Variants in TNFSF13B observed in about 807,000 individuals in gnomAD.
TNFSF13B encodes TNF superfamily member 13b, also known as tumor necrosis factor ligand superfamily member 13B.
A neutral mutation model predicts 29.1 loss-of-function variants in TNFSF13B; 8 were observed. The ratio of observed to expected loss-of-function variants is 0.27; its 90% CI spans 0.16 to 0.50. The LOEUF is 0.50. Ranked by LOEUF, TNFSF13B falls within the 20% of genes least tolerant of loss-of-function variation. The pLI is 0.98. For missense variants in TNFSF13B, 248 were observed against 334.9 expected, an observed-to-expected ratio of 0.74 and a Z score of 2.03; for synonymous variants, 125 against 130.8, an observed-to-expected ratio of 0.96 and a Z score of 0.30.
chr13:108,308,124 C>T lies in TNFSF13B; in HGVS notation c.*1186C>T, dbSNP rs1881831699. On this transcript the variant is annotated 3_prime_UTR_variant, in exon 6 of 6. Coordinates refer to ENST00000375887, the MANE Select transcript of TNFSF13B (RefSeq NM_006573.5). ...ACTGTTTACTTCATTTAACAGTTTA[C>T]ATCATTCAACAGTTTACTTCATTAA... 1 of 152,030 alleles carries T rather than the reference C, an allele frequency of 6.6e-6. No homozygotes were observed. The highest frequency in any genetic ancestry group is 6.6e-5 in the Admixed American group (1 of 15,234). The allele number at this position is 152,030 out of a possible 1,614,324, so 9.4% of individuals were successfully genotyped here.
rs758092380 is a variant in TNFSF13B, at chr13:108,270,252, G to T, written c.339+18G>T. The T allele has an allele frequency of 2.5e-6, 4 of 1,610,000 alleles. No individual in the cohort carries two copies. In the South Asian group the frequency reaches 4.4e-5, roughly 18 times the overall value. On this transcript the variant is annotated intron_variant, in intron 1 of 5. Transcript: ENST00000375887. ...GACTGAAAGTGAGTTTGCAGCAGCT[G>T]CAAGACGCAGGCAAGATCCTGCCTA...
At chr13:108,274,552 T>C (rs1321874053) in intron 2 of TNFSF13B, among the ~76,000 whole-genome samples, 4 of 152,126 alleles carry the variant, frequency 2.6e-5, no homozygotes, top group Admixed American at 1.3e-4. Context: ...TTCATTTGAA[T>C]GTTGTTCTAG....
chr13:108,305,312 C>A (rs972971221), intron 5 of TNFSF13B, among the ~76,000 whole-genome samples: 3 of 151,932 alleles, frequency 2.0e-5, no homozygotes, highest in South Asian at 2.1e-4. Context: ...TTAAGAAACC[C>A]AACATAATAC....
intron 3 of TNFSF13B, 78 bp from the exon 4 acceptor site, chr13:108,303,175 A>C: frequency 1.1e-6 from 1 of 891,086 alleles, no homozygotes; most frequent in Non-Finnish European, 1.7e-6. Context: ...TAAGTTTCAG[A>C]GGTAGCTTAA....
intron 2 of TNFSF13B, among the ~76,000 whole-genome samples, chr13:108,282,663 G>A (rs925966780): frequency 2.0e-5 from 3 of 151,958 alleles, no homozygotes; most frequent in Admixed American, 6.6e-5. Context: ...TTTGTTTTTA[G>A]AAATGTTTTA....
At chr13:108,296,092 T>C (rs1881451424) in intron 3 of TNFSF13B, among the ~76,000 whole-genome samples, 1 of 146,082 alleles carries the variant, frequency 6.8e-6, no homozygotes, top group African/African-American at 2.6e-5. Flanking sequence ...GTGTTTTCTA[T>C]GTGTCTGTTA....
chr13:108,272,310 G>T (rs893923765), intron 2 of TNFSF13B, among the ~76,000 whole-genome samples: 1 of 151,976 alleles, frequency 6.6e-6, no homozygotes, highest in Admixed American at 6.6e-5. Context: ...TCAAAATTTT[G>T]ATGTAAATAT....
chr13:108,275,261 C>T (rs2139042127), intron 2 of TNFSF13B, among the ~76,000 whole-genome samples: 1 of 152,050 alleles, frequency 6.6e-6, no homozygotes, highest in East Asian at 1.9e-4. Flanking sequence ...TGAAGATCCA[C>T]ATTTTGAACA....
chr13:108,274,122 G>A (rs141862692), intron 2 of TNFSF13B, among the ~76,000 whole-genome samples: 104 of 151,990 alleles, frequency 6.8e-4, no homozygotes, highest in African/African-American at 2.1e-3. Context: ...TATGAAATGC[G>A]TATTGATTGA....
intron 3 of TNFSF13B, among the ~76,000 whole-genome samples, chr13:108,298,031 C>T (rs141138552): frequency 5.5e-5 from 8 of 146,062 alleles, no homozygotes; most frequent in Admixed American, 1.4e-4. Flanking sequence ...GTAGTTTTAA[C>T]TTTGTTCCAG....
At chr13:108,293,306 A>G (rs1273872387) in intron 3 of TNFSF13B, among the ~76,000 whole-genome samples, 2 of 152,134 alleles carry the variant, frequency 1.3e-5, no homozygotes, top group East Asian at 1.9e-4. Flanking sequence ...CTGGACCACT[A>G]TACTATTTGG....
chr13:108,300,754 T>C (rs1881599480), intron 3 of TNFSF13B, among the ~76,000 whole-genome samples: 3 of 152,326 alleles, frequency 2.0e-5, no homozygotes, highest in South Asian at 2.1e-4. Context: ...CAATTAGACC[T>C]GCCCATATCA....
intron 3 of TNFSF13B, among the ~76,000 whole-genome samples, chr13:108,289,901 GT>G (rs1224206737): frequency 6.6e-6 from 1 of 151,672 alleles, no homozygotes; most frequent in Non-Finnish European, 1.5e-5. Flanking sequence ...CTGTTCATTT[GT>G]TTTTTTGAAT....
At chr13:108,303,090 A>G (rs1881671963) in intron 3 of TNFSF13B, among the ~76,000 whole-genome samples, 163 bp from the exon 4 acceptor site, 1 of 152,170 alleles carries the variant, frequency 6.6e-6, no homozygotes, top group Admixed American at 6.5e-5. Context: ...AATCCAGTGC[A>G]GTAATGTGAC....
intron 2 of TNFSF13B, among the ~76,000 whole-genome samples, chr13:108,272,503 T>C (rs1880647887): frequency 6.6e-6 from 1 of 152,092 alleles, no homozygotes; most frequent in Admixed American, 6.6e-5. Context: ...AACTCATTAG[T>C]CCTTCTGTTG....
intron 2 of TNFSF13B, among the ~76,000 whole-genome samples, chr13:108,279,554 C>T (rs954225191): frequency 4.6e-5 from 7 of 152,120 alleles, no homozygotes; most frequent in South Asian, 2.1e-4. Context: ...GTGGGTGACA[C>T]GCATGAGACT....
intron 3 of TNFSF13B, among the ~76,000 whole-genome samples, chr13:108,296,357 T>A (rs1881458802): frequency 6.9e-6 from 1 of 145,954 alleles, no homozygotes; most frequent in Non-Finnish European, 1.5e-5. Flanking sequence ...TCATAAAAAT[T>A]TTTGGCTTAA....
intron 2 of TNFSF13B, among the ~76,000 whole-genome samples, chr13:108,275,211 G>GA (rs1435519459): frequency 3.9e-5 from 6 of 152,138 alleles, no homozygotes; most frequent in African/African-American, 1.2e-4. Flanking sequence ...ATATGGCTTT[G>GA]AAAATATTAC....
intron 2 of TNFSF13B, among the ~76,000 whole-genome samples, chr13:108,281,518 C>A (rs895191499): frequency 5.3e-5 from 8 of 152,096 alleles, no homozygotes; most frequent in Non-Finnish European, 1.2e-4. Context: ...CCATCCTCAC[C>A]CTATGTCTTT....
Sources: gnomAD v4.1 joint callset for allele counts (sites outside exome capture counted in the v4.1 genomes callset) on GRCh38, gnomAD v4.1.1 for gene constraint, MANE v1.5 for transcripts, NCBI Gene and HGNC (gene_info 2026-07-23, HGNC 2026-07-21) for gene names.